The following MUC7 variants were observed in gnomAD, a reference collection of about 807,000 sequenced individuals.
The protein encoded by MUC7 is mucin-7.
In MUC7, 2 loss-of-function variants were observed where a neutral mutation model predicts 2.5. The ratio of observed to expected loss-of-function variants is 0.81; its 90% CI spans 0.33 to 2.55. The LOEUF is 2.55. Ranked by LOEUF, MUC7 falls within the 30% of genes most tolerant of loss-of-function variation. The pLI, the probability that MUC7 is intolerant of heterozygous loss-of-function variation, is 0.11. For missense variants in MUC7, 408 were observed against 455.6 expected (o/e 0.90, Z 0.95); for synonymous variants, 133 against 173.4 (o/e 0.77, Z 1.83).
At chr4:70,435,096 T>C (rs1394584166) in intron 1 of MUC7, among the ~76,000 whole-genome samples, 2 of 152,214 alleles carry the variant, frequency 1.3e-5, no homozygotes, top group Non-Finnish European at 2.9e-5. Context: ...TTCTGTTCTT[T>C]TATATTTGCT....
At chr4:70,445,971 G>C (rs187599660) in intron 1 of MUC7, among the ~76,000 whole-genome samples, 2 of 152,098 alleles carry the variant, frequency 1.3e-5, no homozygotes, top group Non-Finnish European at 2.9e-5. Context: ...AATTAGACAG[G>C]CATCATCTCA....
At chr4:70,452,446 A>G (rs1382507772) in intron 1 of MUC7, among the ~76,000 whole-genome samples, 1 of 152,054 alleles carries the variant, frequency 6.6e-6, no homozygotes, top group Non-Finnish European at 1.5e-5. Flanking sequence ...TCAGGTTACC[A>G]TGAGGCTTAC....
rs759200924 is a variant in MUC7, at chr4:70,481,837, A to G, written c.1093A>G (p.Asn365Asp). ...TTCTCGATTTCTTTTATATATGAAG[A>G]ATCTACTAAACAGAATTATTGACGA... ...KISRFLLYMK[N>D]LLNRIIDDMV... is the part of the protein sequence containing the mutation. Residue 365 changes from asparagine (N) to aspartate (D), a missense_variant, in exon 3 of 3, where the codon AAT becomes GAT. By Grantham distance (23) the Asn-to-Asp change is conservative (BLOSUM62 1). Coordinates refer to ENST00000304887, the MANE Select transcript of MUC7 (RefSeq NM_152291.3). 1.2e-6 allele frequency: 2 copies of G among 1,614,068 alleles called. No individual in the cohort carries two copies. The highest frequency in any genetic ancestry group is 2.2e-5 in the South Asian group (2 of 91,086).
chr4:70,435,848 C>T (rs1257938918), intron 1 of MUC7, among the ~76,000 whole-genome samples: 1 of 152,106 alleles, frequency 6.6e-6, no homozygotes, highest in Non-Finnish European at 1.5e-5. Flanking sequence ...ACCGGTTTTT[C>T]CTCTCCATGT....
In MUC7 at chr4:70,480,849, T is replaced by A; in HGVS notation, c.105T>A (p.His35Gln). 1 of 1,614,128 alleles carries A rather than the reference T, an allele frequency of 6.2e-7. No individual in the cohort carries two copies. Among genetic ancestry groups the A allele is most frequent in the Non-Finnish European group, 8.5e-7 (1 of 1,179,980 alleles). The change falls in exon 3 of 3, where the codon CAT becomes CAA. Residue 35 changes from histidine (H) to glutamine (Q), a missense_variant. Around this residue, in one of 3 missense-constraint regions of MUC7, gnomAD observed 225 missense variants for 240.5 expected, o/e 0.94. Coordinates refer to ENST00000304887, the MANE Select transcript of MUC7 (RefSeq NM_152291.3). ...ATGAACTACGTCACAGAAGGCATCA[T>A]CACCAATCACCCAAATCTCACTTTG... ...RDHELRHRRHHHQSPKSHFEL... is the reference protein window; with the variant it reads ...RDHELRHRRHQHQSPKSHFEL...
chr4:70,439,919 T>A (rs1390591877), intron 1 of MUC7, among the ~76,000 whole-genome samples: 1 of 152,120 alleles, frequency 6.6e-6, no homozygotes, highest in Non-Finnish European at 1.5e-5. Context: ...ATAGAGTTTA[T>A]CTTCACAACA....
intron 1 of MUC7, among the ~76,000 whole-genome samples, chr4:70,458,808 A>T (rs998927800): frequency 6.6e-6 from 1 of 152,094 alleles, no homozygotes; most frequent in Non-Finnish European, 1.5e-5. Context: ...TAGAAACATG[A>T]TTATAAGAAA....
At chr4:70,477,805 TA>T (rs1336946885) in intron 2 of MUC7, among the ~76,000 whole-genome samples, 1 of 152,196 alleles carries the variant, frequency 6.6e-6, no homozygotes, top group African/African-American at 2.4e-5. Context: ...CCACTCAGAA[TA>T]GGGCCTAACA....
chr4:70,431,733 T>G (rs1046383795), intron 1 of MUC7, among the ~76,000 whole-genome samples: 1 of 152,112 alleles, frequency 6.6e-6, no homozygotes. Flanking sequence ...GTTTAAATTA[T>G]GGGTTTCAAT....
At chr4:70,466,110 T>C (rs535247388) in intron 1 of MUC7, among the ~76,000 whole-genome samples, 1 of 152,334 alleles carries the variant, frequency 6.6e-6, no homozygotes, top group Non-Finnish European at 1.5e-5. Flanking sequence ...ATATTCAACA[T>C]TCTTAAAGAA....
Position 70,474,081 on chromosome 4 carries a change from T to G in MUC7, c.54+6T>G. 6.2e-7 allele frequency: 1 copy of G among 1,611,728 alleles called. No individual in the cohort carries two copies. Among genetic ancestry groups the G allele is most frequent in the South Asian group, 1.1e-5 (1 of 90,862 alleles). On this transcript the variant is annotated splice_donor_region_variant and intron_variant, in intron 2 of 2. Coordinates refer to ENST00000304887, the MANE Select transcript of MUC7 (RefSeq NM_152291.3). The stretch of plus-strand genomic sequence containing the variant: ...CACTGAGTGCTTGCTTCTCGGTAAG[T>G]ATTCACCCAAATAAGTTTTTTCCTT...
upstream of MUC7, among the ~76,000 whole-genome samples, chr4:70,471,686 T>A (rs1734839484): frequency 6.6e-6 from 1 of 152,202 alleles, no homozygotes; most frequent in Non-Finnish European, 1.5e-5. Flanking sequence ...TCAAAAATTG[T>A]TTTTAATTAC....
intron 1 of MUC7, among the ~76,000 whole-genome samples, chr4:70,460,358 C>A (rs1437146110): frequency 6.6e-6 from 1 of 152,028 alleles, no homozygotes; most frequent in Non-Finnish European, 1.5e-5. Flanking sequence ...ATTTGAGAAG[C>A]CTTGTTTTGA....
At position 70,481,161 on chromosome 4, in the gene MUC7, A is replaced by G; in HGVS notation, c.417A>G (p.Ile139Met). The G allele has an allele frequency of 6.2e-7, 1 of 1,614,210 alleles. No individual in the cohort carries two copies. Among genetic ancestry groups the G allele is most frequent in the Admixed American group, 1.7e-5 (1 of 60,014 alleles). ...TTCTTCCCCAGAATGCCACCACCATATCTTCAAGAGAAAATGTTAACACAA... is the reference window on the plus strand; with the variant it reads ...TTCTTCCCCAGAATGCCACCACCATGTCTTCAAGAGAAAATGTTAACACAA... ...VTFLPQNATTISSRENVNTSS... is the reference protein window; with the variant it reads ...VTFLPQNATTMSSRENVNTSS... The change falls in exon 3 of 3, where the codon ATA (isoleucine) becomes ATG (methionine). Residue 139 changes from isoleucine (I) to methionine (M), a missense_variant. Physicochemically the swap from Ile to Met is conservative, Grantham distance 10 (BLOSUM62 1). Coordinates refer to ENST00000304887, the MANE Select transcript of MUC7 (RefSeq NM_152291.3).
chr4:70,476,700 T>A (rs1300299961), intron 2 of MUC7, among the ~76,000 whole-genome samples: 2 of 152,130 alleles, frequency 1.3e-5, no homozygotes, highest in Non-Finnish European at 2.9e-5. Flanking sequence ...TGGAGGAGAA[T>A]CACTTGAACT....
chr4:70,461,626 A>G (rs2109727277), intron 1 of MUC7, among the ~76,000 whole-genome samples: 1 of 152,274 alleles, frequency 6.6e-6, no homozygotes, highest in African/African-American at 2.4e-5. Context: ...TTTAAAGTAG[A>G]CCTAAAACTT....
At chr4:70,435,708 G>T (rs956779677) in intron 1 of MUC7, among the ~76,000 whole-genome samples, 1 of 152,170 alleles carries the variant, frequency 6.6e-6, no homozygotes, top group African/African-American at 2.4e-5. Flanking sequence ...TACATTTAAG[G>T]TTAATATTGT....
At position 70,432,331 on chromosome 4, in the gene MUC7, C is replaced by T. The variant is rs188242792; in HGVS notation, c.-93+1644C>T. ...CCTTGAGGAATCACCACACTGTCTT[C>T]TATAATGGTTGAACTAGTTTACAGT... On this transcript the variant is annotated intron_variant, in intron 1 of 3. Transcript: ENST00000413702. 1.8e-4 allele frequency among the ~76,000 whole-genome samples: 28 copies of T among 152,318 alleles called. No homozygotes were observed. In the East Asian group the frequency reaches 2.3e-3, roughly 13 times the overall value.
chr4:70,477,226 A>G (rs1160643675), intron 2 of MUC7, among the ~76,000 whole-genome samples: 1 of 152,076 alleles, frequency 6.6e-6, no homozygotes, highest in East Asian at 1.9e-4. Flanking sequence ...CCTGGCCAAC[A>G]TGGTGAAACC....
Sources: gnomAD v4.1 joint callset for allele counts (sites outside exome capture counted in the v4.1 genomes callset) on GRCh38, gnomAD v4.1.1 for gene constraint, gnomAD v4.1.1 regional missense constraint, MANE v1.5 for transcripts, NCBI Gene and HGNC (gene_info 2026-07-23, HGNC 2026-07-21) for gene names.